LOXL4: variants seen among roughly 807,000 people sequenced by gnomAD.
LOXL4 encodes the protein lysyl oxidase like 4.
In LOXL4, 72 loss-of-function variants were observed where a neutral mutation model predicts 89.1. The observed-to-expected ratio is 0.81, with a 90% CI of 0.67 to 0.98. The LOEUF (loss-of-function observed/expected upper bound fraction) is 0.98. Among genes scored for constraint, LOXL4 ranks in the 50% least tolerant of loss-of-function variants. The pLI is 0.00. For missense variants in LOXL4, 984 were observed against 1,017.5 expected, an observed-to-expected ratio of 0.97 and a Z score of 0.45; for synonymous variants, 355 against 392.1, an observed-to-expected ratio of 0.91 and a Z score of 1.12.
rs1428947349 is a variant in LOXL4 at position 98,262,034 on chromosome 10, C to A, written c.456+1G>T. 3.7e-6 allele frequency: 6 copies of A among 1,603,910 alleles called. No homozygotes were observed. The Admixed American group carries it at 6.8e-5, about 18-fold the overall frequency. ...GACCAGAGCCTGAACAGCCTCCTCA[C>A]CTGGGGCCCAAGGGCATTGGAGACA... On this transcript the variant is annotated splice_donor_variant, in intron 3 of 14. Coordinates refer to ENST00000260702, the MANE Select transcript of LOXL4 (RefSeq NM_032211.7). LOFTEE classifies it high-confidence loss of function.
rs746374088 is a variant in LOXL4, at chr10:98,256,780, C to T, written c.1428G>A (p.Lys476=). The part of the protein sequence containing the change: ...LGLGFAIHAY[K]ETWFWSGTPR... ...CGGAAGAAACAACAGAGGGACCTACCTTGTAGGCATGGATGGCAAAACCCA... is the reference window on the plus strand; with the variant it reads ...CGGAAGAAACAACAGAGGGACCTACTTTGTAGGCATGGATGGCAAAACCCA... Residue 476 remains lysine, a splice_region_variant and synonymous_variant, in exon 9 of 15, where the codon AAG becomes AAA. Coordinates refer to ENST00000260702, the MANE Select transcript of LOXL4 (RefSeq NM_032211.7). The T allele has an allele frequency of 1.2e-4, 190 of 1,613,968 alleles. No individual in the cohort carries two copies. Among genetic ancestry groups the T allele is most frequent in the Non-Finnish European group, 1.6e-4 (186 of 1,180,046 alleles).
chr10:98,253,104 A>C (rs1858251845), intron 11 of LOXL4, among the ~76,000 whole-genome samples: 1 of 152,230 alleles, frequency 6.6e-6, no homozygotes, highest in African/African-American at 2.4e-5. Flanking sequence ...CAGTCTGTTC[A>C]TGCTGTTCTT....
chr10:98,258,279 C>G, intron 6 of LOXL4, 115 bp from the exon 7 acceptor site: 1 of 1,084,584 alleles, frequency 9.2e-7, no homozygotes, highest in Non-Finnish European at 1.3e-6. Context: ...GTGGCCAGAG[C>G]CAAGGATGGG....
chr10:98,258,189 G>T, intron 6 of LOXL4, 25 bp from the exon 7 acceptor site: 1 of 1,592,710 alleles, frequency 6.3e-7, no homozygotes, highest in Non-Finnish European at 8.6e-7. Context: ...CTGCTTCAGG[G>T]ACGGCTGAGG....
rs1373365008 is a variant in LOXL4 at position 98,256,924 on chromosome 10, G to T, written c.1284C>A (p.Ile428=). Residue 428 remains isoleucine, a synonymous_variant, in exon 9 of 15, where the codon ATC becomes ATA. Transcript: ENST00000260702. ...GCACCTCCAATAGCCCCTCCTCAGGGATACGCCCACCAGCCAAGCGCACCT... is the reference window on the plus strand; with the variant it reads ...GCACCTCCAATAGCCCCTCCTCAGGTATACGCCCACCAGCCAAGCGCACCT... The part of the protein sequence containing the change: ...QNQVRLAGGR[I]PEEGLLEVQV... 2 of 1,613,978 alleles carry T rather than the reference G, an allele frequency of 1.2e-6. No individual in the cohort carries two copies. The highest frequency in any genetic ancestry group is 1.7e-6 in the Non-Finnish European group (2 of 1,180,008).
intron 9 of LOXL4, 198 bp downstream of exon 9, chr10:98,256,582 C>T (rs1983865): frequency 0.46 from 280,760 of 610,306 alleles, 67,945 homozygotes; most frequent in East Asian, 0.72. Flanking sequence ...CAAATGTGTC[C>T]CTCATTGACG....
chr10:98,254,994 G>C (rs1037591546), intron 10 of LOXL4, among the ~76,000 whole-genome samples: 1 of 152,240 alleles, frequency 6.6e-6, no homozygotes, highest in Admixed American at 6.5e-5. Flanking sequence ...AGTCCATCTT[G>C]GCACTGACCT....
At chr10:98,253,451 TC>T in intron 11 of LOXL4, 101 bp downstream of exon 11, 1 of 1,543,586 alleles carries the variant, frequency 6.5e-7, no homozygotes, top group Non-Finnish European at 8.8e-7. Context: ...CGCACACCCC[TC>T]CCAGGAAAAC....
Position 98,252,419 on chromosome 10 carries a change from TGA to T in LOXL4, c.1883_1884del (p.Leu628GlnfsTer7). 6.2e-7 allele frequency: 1 copy of T among 1,614,066 alleles called. No homozygotes were observed. Among genetic ancestry groups the T allele is most frequent in the Admixed American group, 1.7e-5 (1 of 60,002 alleles). Reference protein sequence around the residue: ...EVFTHYDLLTLNGSKVAEGHK... With the variant: ...EVFTHYDLLTXNGSKVAEGHK... ...TGCCCCTCAGCCACCTTGGAGCCATTGAGAGTGAGGAGGTCGTAGTGGGTGAA... is the reference window on the plus strand; with the variant it reads ...TGCCCCTCAGCCACCTTGGAGCCATTGAGTGAGGAGGTCGTAGTGGGTGAA... On this transcript the variant is annotated frameshift_variant, in exon 12 of 15. Coordinates refer to ENST00000260702, the MANE Select transcript of LOXL4 (RefSeq NM_032211.7). LOFTEE classifies it high-confidence loss of function.
chr10:98,256,653 G>T, intron 9 of LOXL4, 127 bp downstream of exon 9: 1 of 1,040,076 alleles, frequency 9.6e-7, no homozygotes, highest in Non-Finnish European at 1.4e-6. Flanking sequence ...GCATCATGTC[G>T]GCTCATAGTT....
intron 4 of LOXL4, among the ~76,000 whole-genome samples, chr10:98,260,619 C>A (rs1231183944): frequency 6.6e-6 from 1 of 152,060 alleles, no homozygotes; most frequent in Non-Finnish European, 1.5e-5. Flanking sequence ...CTGAGGCACC[C>A]GTGAAGCAAG....
chr10:98,253,594 T>C lies in LOXL4; in HGVS notation c.1794A>G (p.Pro598=). ...IYNLGRTDFR[P]KTGRDSWVWH... is the part of the protein sequence containing the mutation. Reference sequence around the variant, plus strand: ...AAACCCAGCTATCGCGTCCAGTCTTTGGACGAAAGTCAGTCCGGCCCAGAT... The same window carrying C: ...AAACCCAGCTATCGCGTCCAGTCTTCGGACGAAAGTCAGTCCGGCCCAGAT... The change falls in exon 11 of 15, where the codon CCA becomes CCG. Residue 598 remains proline, a synonymous_variant. Transcript: ENST00000260702. The C allele has an allele frequency of 1.9e-6, 3 of 1,614,262 alleles. No individual in the cohort carries two copies. Among genetic ancestry groups the C allele is most frequent in the Non-Finnish European group, 2.5e-6 (3 of 1,180,048 alleles).
chr10:98,267,478 C>T lies in LOXL4; in HGVS notation c.-33+654G>A, dbSNP rs141480222. ...TATTCAAGAGAGAGCATGGGGGGTG[C>T]TGTCCTGAGGGTGCAGCAACTTTAG... On this transcript the variant is annotated intron_variant, in intron 1 of 14. Transcript: ENST00000260702. 2.1e-3 allele frequency among the ~76,000 whole-genome samples: 324 copies of T among 152,298 alleles called. 1 individual carries two copies. The highest frequency in any genetic ancestry group is 7.3e-3 in the African/African-American group (303 of 41,556).
Position 98,248,661 on chromosome 10 carries a change from C to T in LOXL4, c.*260G>A, listed in dbSNP as rs1858103203. On this transcript the variant is annotated 3_prime_UTR_variant, in exon 15 of 15. Transcript: ENST00000260702. ...ATTCAGGGATGACTGGGTTTCCTTACAGAAGAGGAGCTCAGCTGAGCAAAG... is the reference window on the plus strand; with the variant it reads ...ATTCAGGGATGACTGGGTTTCCTTATAGAAGAGGAGCTCAGCTGAGCAAAG... The T allele has an allele frequency of 6.8e-6, 3 of 438,244 alleles. 1 individual carries two copies. The highest frequency in any genetic ancestry group is 1.2e-5 in the Non-Finnish European group (3 of 243,070). 27.1% of individuals were successfully genotyped at this position (438,244 alleles called of 1,614,324 possible).
intron 14 of LOXL4, among the ~76,000 whole-genome samples, chr10:98,249,494 A>G (rs867503201): frequency 6.6e-6 from 1 of 152,244 alleles, no homozygotes; most frequent in Non-Finnish European, 1.5e-5. Flanking sequence ...CCTGGCTGCA[A>G]AGCAGCCCTT....
intron 2 of LOXL4, 45 bp downstream of exon 2, chr10:98,262,696 CTG>C (rs769115321): frequency 9.5e-6 from 15 of 1,584,874 alleles, no homozygotes; most frequent in Non-Finnish European, 3.4e-6. Flanking sequence ...CCCAAGAAGA[CTG>C]TTACCATCTC....
chr10:98,255,836 G>T (rs1433087577), intron 9 of LOXL4, 97 bp from the exon 10 acceptor site: 27 of 1,441,150 alleles, frequency 1.9e-5, no homozygotes, highest in African/African-American at 2.8e-5. Context: ...CCCCCACCGG[G>T]TTGTGTCCAG....
chr10:98,257,549 GCTC>G, intron 8 of LOXL4, 98 bp downstream of exon 8: 1 of 1,384,728 alleles, frequency 7.2e-7, no homozygotes, highest in South Asian at 1.4e-5. Context: ...AGCGCTAGCC[GCTC>G]CTCCTGGACC....
At position 98,251,363 on chromosome 10, in the gene LOXL4, A is replaced by T. The variant is rs117258652; in HGVS notation, c.2089-187T>A. 9.5e-3 allele frequency among the ~76,000 whole-genome samples: 1,448 copies of T among 152,376 alleles called. 10 individuals are homozygous for T. Among genetic ancestry groups the T allele is most frequent in the Non-Finnish European group, 0.014 (982 of 68,038 alleles). ...GAAGTCCCAACTGAGAAACTGATTT[A>T]TCCAGTGTTCACTGAATCAATACTC... On this transcript the variant is annotated intron_variant, in intron 13 of 14. Coordinates refer to ENST00000260702, the MANE Select transcript of LOXL4 (RefSeq NM_032211.7).
Sources: allele counts gnomAD v4.1 joint callset (sites outside exome capture counted in the v4.1 genomes callset), GRCh38; gene constraint gnomAD v4.1.1; transcripts MANE v1.5; gene names NCBI Gene and HGNC (gene_info 2026-07-23, HGNC 2026-07-21).